The following PDE7B variants were observed in gnomAD, a reference collection of about 807,000 sequenced individuals.
PDE7B encodes phosphodiesterase 7B, also known as 3',5'-cyclic-AMP phosphodiesterase 7B.
Under a neutral mutation model 56.2 loss-of-function variants are expected in PDE7B, and 29 were observed. The observed-to-expected ratio is 0.52, with a 90% CI of 0.38 to 0.70. The LOEUF is 0.70. PDE7B is among the 30% of genes least tolerant of loss of function. PDE7B has a pLI of 0.00. For synonymous variants in PDE7B, 197 were observed against 196.9 expected, an observed-to-expected ratio of 1.00 and a Z score of 0.00; for missense variants, 490 against 565.0, an observed-to-expected ratio of 0.87 and a Z score of 1.35.
Position 136,018,817 on chromosome 6 carries a change from T to C in PDE7B, c.82+71293T>C, listed in dbSNP as rs1207122552. 3.9e-5 allele frequency among the ~76,000 whole-genome samples: 6 copies of C among 152,118 alleles called. No individual in the cohort carries two copies. The East Asian group carries it at 1.2e-3, about 29-fold the overall frequency. On this transcript the variant is annotated intron_variant, in intron 2 of 12. Coordinates refer to ENST00000308191, the MANE Select transcript of PDE7B (RefSeq NM_018945.4). ...ATATACGTGTGTGTGTTTGTGTGTGTGTCAAAAGCCAAATCCTTATTTCAA... is the reference window on the plus strand; with the variant it reads ...ATATACGTGTGTGTGTTTGTGTGTGCGTCAAAAGCCAAATCCTTATTTCAA...
chr6:136,106,719 A>G (rs1562494498), intron 2 of PDE7B, among the ~76,000 whole-genome samples: 1 of 152,220 alleles, frequency 6.6e-6, no homozygotes, highest in Non-Finnish European at 1.5e-5. Flanking sequence ...AAACAAGAAG[A>G]TAAATATACT....
At chr6:136,083,427 T>C (rs1480589446) in intron 2 of PDE7B, among the ~76,000 whole-genome samples, 1 of 152,200 alleles carries the variant, frequency 6.6e-6, no homozygotes, top group Non-Finnish European at 1.5e-5. Context: ...AAAATGGCTT[T>C]TCTACTCATT....
chr6:135,954,945 T>G (rs1327491498), intron 2 of PDE7B, among the ~76,000 whole-genome samples: 2 of 152,036 alleles, frequency 1.3e-5, no homozygotes, highest in Admixed American at 6.6e-5. Flanking sequence ...ACCTGCAGAA[T>G]AACAACACAA....
intron 3 of PDE7B, among the ~76,000 whole-genome samples, chr6:136,121,172 T>C (rs967308996): frequency 6.6e-6 from 1 of 152,180 alleles, no homozygotes; most frequent in African/African-American, 2.4e-5. Context: ...CAGCTGTGAC[T>C]GCAGCTAGTT....
At chr6:135,982,797 T>A (rs1300380371) in intron 2 of PDE7B, among the ~76,000 whole-genome samples, 1 of 152,130 alleles carries the variant, frequency 6.6e-6, no homozygotes, top group Non-Finnish European at 1.5e-5. Context: ...ACACGTGGCC[T>A]TTTTATGCCA....
chr6:136,072,585 T>G (rs965133124), intron 2 of PDE7B: 1 of 152,236 alleles, frequency 6.6e-6, no homozygotes, highest in South Asian at 2.1e-4. Flanking sequence ...CAGAGCTCCA[T>G]GACCCTCTGA....
chr6:135,991,749 CAGAA>C (rs1375953191), intron 2 of PDE7B, among the ~76,000 whole-genome samples: 4 of 152,182 alleles, frequency 2.6e-5, no homozygotes, highest in Admixed American at 2.6e-4. Context: ...CAGCTGAAGG[CAGAA>C]AGAATGATGA....
In PDE7B at chr6:136,179,042, C is replaced by T. The variant is rs1272593184; in HGVS notation, c.849C>T (p.Asp283=). Residue 283 remains aspartate (D), a synonymous_variant, in exon 10 of 13, where the codon GAC becomes GAT. Coordinates refer to ENST00000308191, the MANE Select transcript of PDE7B (RefSeq NM_018945.4). ...TGGGCTCCTTGATCTTGGCAACAGACATCAACAGGCAGAATGAATTTTTGA... is the reference window on the plus strand; with the variant it reads ...TGGGCTCCTTGATCTTGGCAACAGATATCAACAGGCAGAATGAATTTTTGA... ...QQLGSLILAT[D]INRQNEFLTR... 3 of 1,613,978 alleles carry T rather than the reference C, an allele frequency of 1.9e-6. No homozygotes were observed. Among genetic ancestry groups the T allele is most frequent in the Non-Finnish European group, 2.5e-6 (3 of 1,179,816 alleles).
chr6:136,013,683 A>G (rs1410331201), intron 2 of PDE7B, among the ~76,000 whole-genome samples: 2 of 152,234 alleles, frequency 1.3e-5, no homozygotes, highest in African/African-American at 4.8e-5. Flanking sequence ...GGAACAGGAC[A>G]TGAGAAAACC....
intron 2 of PDE7B, among the ~76,000 whole-genome samples, chr6:135,988,257 T>C (rs747527533): frequency 1.1e-4 from 17 of 152,112 alleles, no homozygotes; most frequent in Non-Finnish European, 2.2e-4. Flanking sequence ...TTGACGTCTC[T>C]GTGGTCCCAG....
rs555630564 is a variant in PDE7B, at chr6:135,908,264, T to A, written c.22-39200T>A. On this transcript the variant is annotated intron_variant, in intron 1 of 12. Transcript: ENST00000308191. ...CCACCACGCCCGACTAATTTTGTAT[T>A]TTTTTTTTAGGAGAGACCGGGGTTT... Among the ~76,000 whole-genome samples, 3 of 150,172 alleles carry A rather than the reference T, an allele frequency of 2.0e-5. No individual in the cohort carries two copies. The South Asian group carries it at 6.3e-4, about 32-fold the overall frequency.
chr6:136,069,363 A>G (rs938604106), intron 2 of PDE7B, among the ~76,000 whole-genome samples: 1 of 152,218 alleles, frequency 6.6e-6, no homozygotes, highest in African/African-American at 2.4e-5. Flanking sequence ...GTAAATATGT[A>G]CATGTGAGGC....
chr6:136,065,116 C>T (rs1322073871), intron 2 of PDE7B, among the ~76,000 whole-genome samples: 1 of 152,192 alleles, frequency 6.6e-6, no homozygotes, highest in Non-Finnish European at 1.5e-5. Context: ...CTGGGACTAG[C>T]AGGACTTGAC....
intron 2 of PDE7B, among the ~76,000 whole-genome samples, chr6:136,103,708 A>G (rs1178928333): frequency 2.0e-5 from 3 of 152,098 alleles, no homozygotes; most frequent in Non-Finnish European, 2.9e-5. Flanking sequence ...TGCCCCTGCT[A>G]TGAATCTCTA....
intron 3 of PDE7B, among the ~76,000 whole-genome samples, chr6:136,140,842 C>T (rs1778311504): frequency 1.3e-5 from 2 of 152,036 alleles, no homozygotes; most frequent in African/African-American, 2.4e-5. Flanking sequence ...CTGAAGTTGC[C>T]TATCAGCTTA....
At chr6:135,878,439 G>A (rs557350049) in intron 1 of PDE7B, among the ~76,000 whole-genome samples, 2 of 152,068 alleles carry the variant, frequency 1.3e-5, no homozygotes, top group African/African-American at 4.8e-5. Flanking sequence ...AAATAACTTT[G>A]ACAACTTTTC....
At chr6:136,183,072 C>CAAAAAAAAAAAA (rs869296450) in intron 11 of PDE7B, among the ~76,000 whole-genome samples, 43 of 50,520 alleles carry the variant, frequency 8.5e-4, no homozygotes, top group African/African-American at 3.0e-3. Flanking sequence ...ACTCCGTCTC[C>CAAAAAAAAAAAA]AAAAAAAAAA....
chr6:135,883,221 A>G (rs1171664314), intron 1 of PDE7B, among the ~76,000 whole-genome samples: 1 of 152,154 alleles, frequency 6.6e-6, no homozygotes, highest in Admixed American at 6.5e-5. Context: ...ATCCCCCTAA[A>G]GCCTGTTAAA....
chr6:136,037,819 A>G (rs1776349626), intron 2 of PDE7B: 19 of 985,458 alleles, frequency 1.9e-5, no homozygotes, highest in Non-Finnish European at 2.2e-5. Context: ...GACAAGCACC[A>G]AAAGAGAATT....
Sources: allele counts gnomAD v4.1 joint callset (sites outside exome capture counted in the v4.1 genomes callset), GRCh38; gene constraint gnomAD v4.1.1; transcripts MANE v1.5; gene names NCBI Gene and HGNC (gene_info 2026-07-23, HGNC 2026-07-21).